EPHA7: variants seen among roughly 807,000 people sequenced by gnomAD.
The protein encoded by EPHA7 is ephrin type-A receptor 7.
A neutral mutation model predicts 112.6 loss-of-function variants in EPHA7; 25 were observed. The ratio of observed to expected loss-of-function variants is 0.22; its 90% CI spans 0.16 to 0.31. The LOEUF (loss-of-function observed/expected upper bound fraction) is 0.31, where lower values mean the gene tolerates loss of function less well. Among genes scored for constraint, EPHA7 ranks in the 10% least tolerant of loss-of-function variants. The pLI is 1.00. For synonymous variants in EPHA7, 437 were observed against 406.5 expected, an observed-to-expected ratio of 1.07 and a Z score of -0.90; for missense variants, 962 against 1,212.6, an observed-to-expected ratio of 0.79 and a Z score of 3.07.
intron 16 of EPHA7, 55 bp downstream of exon 16, chr6:93,245,243 A>G: frequency 6.8e-7 from 1 of 1,470,318 alleles, no homozygotes; most frequent in Non-Finnish European, 9.3e-7. Context: ...TAATGTATAA[A>G]GTGTAGATTG....
intron 3 of EPHA7, among the ~76,000 whole-genome samples, chr6:93,362,959 T>C (rs1349424095): frequency 6.6e-6 from 1 of 152,112 alleles, no homozygotes; most frequent in Non-Finnish European, 1.5e-5. Context: ...AGAGTTCTTT[T>C]ACAGCCAAAA....
intron 3 of EPHA7, among the ~76,000 whole-genome samples, chr6:93,393,856 A>T (rs956417507): frequency 6.6e-6 from 1 of 151,806 alleles, no homozygotes; most frequent in African/African-American, 2.4e-5. Flanking sequence ...AAACTCTTTG[A>T]ATGAGGTTTC....
chr6:93,411,239 T>G (rs1256993305), intron 2 of EPHA7, 69 bp from the exon 3 acceptor site: 7 of 1,291,120 alleles, frequency 5.4e-6, no homozygotes, highest in Non-Finnish European at 7.6e-6. Flanking sequence ...AAAGTGCAAG[T>G]ACTTCACAAA....
intron 3 of EPHA7, among the ~76,000 whole-genome samples, chr6:93,382,880 T>C (rs1777410019): frequency 6.6e-6 from 1 of 152,138 alleles, no homozygotes; most frequent in Non-Finnish European, 1.5e-5. Flanking sequence ...ACAGCCACTA[T>C]CCAGAGCCAC....
rs184148075 is a variant in EPHA7 at position 93,410,049 on chromosome 6, G to T, written c.832+452C>A. The T allele has an allele frequency of 1.9e-5, 3 of 154,802 alleles. No homozygotes were observed. The highest frequency in any genetic ancestry group is 4.3e-5 in the Non-Finnish European group (3 of 69,748). 9.6% of individuals were successfully genotyped at this position (154,802 alleles called of 1,614,324 possible). ...TTGTAAATATATTCGTTTATGCCCT[G>T]CCTGTCACTAGAGCTCTTATTCACA... On this transcript the variant is annotated intron_variant, in intron 3 of 16. Transcript: ENST00000369303. The surrounding 1 kb of genome is among the most constrained non-coding windows in gnomAD (Gnocchi z 4.0).
chr6:93,361,579 A>T (rs1776263544), intron 3 of EPHA7, among the ~76,000 whole-genome samples: 1 of 152,032 alleles, frequency 6.6e-6, no homozygotes, highest in Non-Finnish European at 1.5e-5. Flanking sequence ...CGAGCTCACC[A>T]ACTACTCCCA....
intron 5 of EPHA7, among the ~76,000 whole-genome samples, chr6:93,326,621 G>T (rs1024647643): frequency 6.6e-6 from 1 of 151,378 alleles, no homozygotes; most frequent in African/African-American, 2.4e-5. Flanking sequence ...ATTGTTTTTA[G>T]CAAGTGAGTT....
At chr6:93,415,803 A>AT (rs1387628741) in intron 1 of EPHA7, among the ~76,000 whole-genome samples, 1 of 152,148 alleles carries the variant, frequency 6.6e-6, no homozygotes, top group African/African-American at 2.4e-5. Context: ...AAATGTTAAA[A>AT]TTTTTACTTA....
At chr6:93,377,028 C>G (rs998247006) in intron 3 of EPHA7, among the ~76,000 whole-genome samples, 15 of 149,758 alleles carry the variant, frequency 1.0e-4, no homozygotes, top group Admixed American at 3.4e-4. Context: ...AAGGCTCCAA[C>G]ACTTTACAAA....
intron 7 of EPHA7, among the ~76,000 whole-genome samples, chr6:93,267,003 C>CT (rs948977312): frequency 1.3e-5 from 2 of 151,628 alleles, no homozygotes; most frequent in African/African-American, 4.8e-5. Flanking sequence ...TGTTATTTGA[C>CT]TTTTTTACTC....
chr6:93,334,624 T>C (rs1774767251), intron 5 of EPHA7, among the ~76,000 whole-genome samples: 2 of 152,058 alleles, frequency 1.3e-5, no homozygotes, highest in Non-Finnish European at 2.9e-5. Context: ...ACAAACTTAA[T>C]ATATAATGTA....
chr6:93,294,690 G>C (rs542106578), intron 5 of EPHA7, among the ~76,000 whole-genome samples: 5 of 152,070 alleles, frequency 3.3e-5, no homozygotes, highest in African/African-American at 1.2e-4. Flanking sequence ...TAACATGCCA[G>C]CTCTCAAAAT....
chr6:93,263,742 T>C (rs1225520032), intron 9 of EPHA7, 118 bp downstream of exon 9: 2 of 634,598 alleles, frequency 3.2e-6, no homozygotes, highest in Non-Finnish European at 5.3e-6. Context: ...AAGCAACATT[T>C]TGAGCTCATG....
rs1662697130 is a variant in EPHA7 at position 93,344,010 on chromosome 6, T to C, written c.1324+12707A>G. Among the ~76,000 whole-genome samples the C allele has an allele frequency of 2.0e-5, 3 of 151,560 alleles. No homozygotes were observed. In the Admixed American group the frequency reaches 2.0e-4, roughly 10 times the overall value. ...TAACAAATACTGCACATAGCAAAAA[T>C]AAAATTTCCAAATTTTTAGGTGGTT... is the stretch of plus-strand genomic sequence containing the variant. On this transcript the variant is annotated intron_variant, in intron 5 of 16. Coordinates refer to ENST00000369303, the MANE Select transcript of EPHA7 (RefSeq NM_004440.4).
chr6:93,410,733 C>G lies in EPHA7; in HGVS notation c.600G>C (p.Val200=). 1 of 1,614,034 alleles carries G rather than the reference C, an allele frequency of 6.2e-7. No individual in the cohort carries two copies. Among genetic ancestry groups the G allele is most frequent in the Non-Finnish European group, 8.5e-7 (1 of 1,179,954 alleles). The change falls in exon 3 of 17, where the codon GTG becomes GTC. Residue 200 remains valine, a synonymous_variant. Transcript: ENST00000369303. The surrounding 1 kb of genome is among the most constrained non-coding windows in gnomAD (Gnocchi z 4.0). ...TAATGGACCAGCACTTCTTGTAGTA[C>G]ACTTTGACAGAAACCAAAGCTATGC... ...GACIALVSVK[V]YYKKCWSIIE...
chr6:93,415,786 C>T (rs1314462475), intron 1 of EPHA7, among the ~76,000 whole-genome samples: 1 of 151,884 alleles, frequency 6.6e-6, no homozygotes, highest in Non-Finnish European at 1.5e-5. Context: ...TAACATCAGC[C>T]TCAGAAAAAT....
chr6:93,323,997 C>A (rs1345494616), intron 5 of EPHA7, among the ~76,000 whole-genome samples: 2 of 151,600 alleles, frequency 1.3e-5, no homozygotes, highest in East Asian at 3.9e-4. Flanking sequence ...TATCAGTGGT[C>A]TGCTTTCCGT....
intron 5 of EPHA7, among the ~76,000 whole-genome samples, chr6:93,317,214 C>A (rs1388610650): frequency 6.6e-6 from 1 of 152,138 alleles, no homozygotes; most frequent in Non-Finnish European, 1.5e-5. Flanking sequence ...AGAAATCCCA[C>A]AACTTTCTGG....
At chr6:93,364,326 C>T (rs1776398641) in intron 3 of EPHA7, among the ~76,000 whole-genome samples, 1 of 152,004 alleles carries the variant, frequency 6.6e-6, no homozygotes, top group Non-Finnish European at 1.5e-5. Flanking sequence ...GAGTTTGAGA[C>T]CACCCTGGCC....
Sources: gnomAD v4.1 joint callset for allele counts (sites outside exome capture counted in the v4.1 genomes callset) on GRCh38, gnomAD v4.1.1 for gene constraint, Gnocchi (gnomAD v3.1) non-coding constraint, MANE v1.5 for transcripts, NCBI Gene and HGNC (gene_info 2026-07-23, HGNC 2026-07-21) for gene names.